ZC3H12B: variants seen among roughly 807,000 people sequenced by gnomAD.
ZC3H12B encodes the protein probable ribonuclease ZC3H12B.
In ZC3H12B, 7 loss-of-function variants were observed where a neutral mutation model predicts 43.9. That is an observed-to-expected ratio of 0.16 (90% CI 0.09 to 0.30). The LOEUF (loss-of-function observed/expected upper bound fraction) is 0.30, where lower values mean the gene tolerates loss of function less well. Among genes scored for constraint, ZC3H12B ranks in the 10% least tolerant of loss-of-function variants. The pLI, the probability that ZC3H12B is intolerant of heterozygous loss-of-function variation, is 1.00. For missense variants in ZC3H12B, 475 were observed against 670.2 expected (o/e 0.71, Z 3.22); for synonymous variants, 222 against 241.7 (o/e 0.92, Z 0.76).
At chrX:65,249,894 T>A in the ZC3H12B span, among the ~76,000 whole-genome samples, 1 of 107,517 alleles carries the variant, frequency 9.3e-6, no homozygotes, top group African/African-American at 3.4e-5. Context: ...GAAGAGCTAC[T>A]TTTGTGTACA....
At chrX:65,062,171 C>A in the ZC3H12B span, among the ~76,000 whole-genome samples, 1 of 112,140 alleles carries the variant, frequency 8.9e-6, no homozygotes, top group South Asian at 3.7e-4. Context: ...TAATTAGATC[C>A]CATTTGTCAA....
chrX:65,429,886 G>T, intron 3 of ZC3H12B, among the ~76,000 whole-genome samples: 1 of 112,252 alleles, frequency 8.9e-6, no homozygotes, highest in East Asian at 2.8e-4. Context: ...AAAGCCAGCA[G>T]TCTTGAATGG....
At chrX:65,248,737 C>A in the ZC3H12B span, among the ~76,000 whole-genome samples, 1 of 112,120 alleles carries the variant, frequency 8.9e-6, no homozygotes, top group African/African-American at 3.2e-5. Flanking sequence ...CCCATGCCAA[C>A]ATCTACTATT....
At chrX:65,443,377 G>GAGGC (rs1411431231) in intron 3 of ZC3H12B, among the ~76,000 whole-genome samples, 1 of 110,960 alleles carries the variant, frequency 9.0e-6, no homozygotes, top group East Asian at 2.8e-4. Flanking sequence ...CCCTAACCTA[G>GAGGC]AGGCCGACCC....
chrX:65,496,545 TACTA>T (rs200503932), intron 1 of ZC3H12B, among the ~76,000 whole-genome samples: 10,209 of 111,704 alleles, frequency 0.091, 1,226 homozygotes, highest in African/African-American at 0.32. Flanking sequence ...TGGGAGTTGT[TACTA>T]ACCATCTGTG....
the ZC3H12B span, among the ~76,000 whole-genome samples, chrX:65,125,976 G>T: frequency 1.8e-5 from 2 of 108,845 alleles, no homozygotes; most frequent in Non-Finnish European, 3.8e-5. Flanking sequence ...TTCAAAGTTA[G>T]TATTGAGATA....
chrX:65,296,098 G>A, the ZC3H12B span, among the ~76,000 whole-genome samples: 1 of 111,877 alleles, frequency 8.9e-6, no homozygotes, highest in African/African-American at 3.2e-5. Context: ...TACAAAAATA[G>A]GGAGCCAACT....
the ZC3H12B span, among the ~76,000 whole-genome samples, chrX:65,350,376 A>G: frequency 8.9e-6 from 1 of 111,880 alleles, no homozygotes; most frequent in Non-Finnish European, 1.9e-5. Flanking sequence ...ACCCACAGCT[A>G]ATGGGCAAAA....
the ZC3H12B span, chrX:65,185,522 G>A: frequency 9.0e-6 from 1 of 111,699 alleles, no homozygotes. Flanking sequence ...TGGTAATTCA[G>A]TAGCTCCTAA....
At chrX:65,250,001 A>G in the ZC3H12B span, among the ~76,000 whole-genome samples, 1 of 110,075 alleles carries the variant, frequency 9.1e-6, no homozygotes, top group Non-Finnish European at 1.9e-5. Flanking sequence ...GGTTTGTTAC[A>G]TATGTATACA....
At chrX:65,450,823 A>T (rs867279298) in intron 3 of ZC3H12B, among the ~76,000 whole-genome samples, 1 of 79,473 alleles carries the variant, frequency 1.3e-5, no homozygotes, top group African/African-American at 5.5e-5. Context: ...ATGTATATAT[A>T]TACATATGTG....
chrX:65,043,668 A>T, the ZC3H12B span, among the ~76,000 whole-genome samples: 1 of 111,542 alleles, frequency 9.0e-6, no homozygotes, highest in East Asian at 2.8e-4. Flanking sequence ...GCAAGTAAAT[A>T]AAGAGGTAAA....
the ZC3H12B span, among the ~76,000 whole-genome samples, chrX:65,152,369 G>T: frequency 8.9e-6 from 1 of 111,775 alleles, no homozygotes. Flanking sequence ...AAGCTGATAA[G>T]CAACTTCAGC....
chrX:65,335,732 G>A, the ZC3H12B span, among the ~76,000 whole-genome samples: 1 of 111,848 alleles, frequency 8.9e-6, no homozygotes, highest in African/African-American at 3.2e-5. Flanking sequence ...TTCCGAGAGA[G>A]AGCCTAGAGC....
At chrX:65,325,350 T>A in the ZC3H12B span, among the ~76,000 whole-genome samples, 1 of 111,294 alleles carries the variant, frequency 9.0e-6, no homozygotes, top group African/African-American at 3.3e-5. Context: ...GTGGAAAAAA[T>A]TCTAAATATT....
intron 1 of ZC3H12B, 38 bp downstream of exon 6, chrX:65,489,447 C>G: frequency 8.8e-7 from 1 of 1,142,184 alleles, no homozygotes; most frequent in Non-Finnish European, 1.2e-6. Flanking sequence ...TTTTAAAAAA[C>G]TGCCCTGAGC....
At chrX:65,470,888 G>A (rs1330485431) in intron 3 of ZC3H12B, among the ~76,000 whole-genome samples, 1 of 112,247 alleles carries the variant, frequency 8.9e-6, no homozygotes, top group African/African-American at 3.2e-5. Context: ...TGTGGTCTGA[G>A]AAGATACTTG....
the ZC3H12B span, among the ~76,000 whole-genome samples, chrX:65,207,008 AT>A: frequency 3.7e-5 from 4 of 107,966 alleles, no homozygotes; most frequent in African/African-American, 1.4e-4. Flanking sequence ...AAAAAAAAAA[AT>A]AATATTGGTG....
At chrX:65,050,865 T>C in the ZC3H12B span, among the ~76,000 whole-genome samples, 1 of 111,696 alleles carries the variant, frequency 9.0e-6, no homozygotes, top group Non-Finnish European at 1.9e-5. Context: ...GCTTATCAAA[T>C]ATATTGGCTT....
Sources: gnomAD v4.1 joint callset for allele counts (sites outside exome capture counted in the v4.1 genomes callset) on GRCh38, gnomAD v4.1.1 for gene constraint, MANE v1.5 for transcripts, NCBI Gene and HGNC (gene_info 2026-07-23, HGNC 2026-07-21) for gene names.